CEP78: variants seen among roughly 807,000 people sequenced by gnomAD.
The protein encoded by CEP78 is centrosomal protein 78.
In CEP78, 76 loss-of-function variants were observed where a neutral mutation model predicts 81.2. The ratio of observed to expected loss-of-function variants is 0.94; its 90% CI spans 0.78 to 1.13. The LOEUF (loss-of-function observed/expected upper bound fraction) is 1.13. CEP78 is among the 50% of genes most tolerant of loss of function. CEP78 has a pLI of 0.00. For missense variants in CEP78, 918 were observed against 846.8 expected, an observed-to-expected ratio of 1.08 and a Z score of -1.04; for synonymous variants, 293 against 301.4, an observed-to-expected ratio of 0.97 and a Z score of 0.29.
intron 16 of CEP78, among the ~76,000 whole-genome samples, chr9:78,269,149 G>C (rs1343316546): frequency 6.6e-6 from 1 of 152,104 alleles, no homozygotes; most frequent in East Asian, 1.9e-4. Flanking sequence ...GAAGAGAAAG[G>C]GATCTAAAAT....
chr9:78,255,734 T>G (rs1404147580), intron 11 of CEP78, among the ~76,000 whole-genome samples: 1 of 152,200 alleles, frequency 6.6e-6, no homozygotes, highest in African/African-American at 2.4e-5. Context: ...AATCTATAGA[T>G]AATGTAGAAT....
chr9:78,254,571 G>T, intron 10 of CEP78: 1 of 163,858 alleles, frequency 6.1e-6, no homozygotes, highest in South Asian at 1.8e-4. Flanking sequence ...GGTTATTTTC[G>T]GAAAGATTTT....
In CEP78 at chr9:78,262,940, G is replaced by A. The variant is rs1469644818; in HGVS notation, c.1414G>A (p.Glu472Lys). The A allele has an allele frequency of 6.5e-7, 1 of 1,546,454 alleles. No homozygotes were observed. The highest frequency in any genetic ancestry group is 8.7e-7 in the Non-Finnish European group (1 of 1,143,824). Residue 472 changes from glutamate to lysine, a missense_variant, in exon 12 of 17, where the codon GAA becomes AAA. Physicochemically the swap from Glu to Lys is moderately conservative, Grantham distance 56 (BLOSUM62 1). Transcript: ENST00000643273. The part of the protein sequence containing the change: ...KLEECLKQLK[E>K]ERVIRLKVDK... ...GGAGGAGTGCCTAAAGCAGTTAAAG[G>A]AAGAAAGAGTGATAAGGCTTAAGGT...
chr9:78,263,990 G>C, intron 12 of CEP78, 160 bp from the exon 13 acceptor site: 1 of 423,624 alleles, frequency 2.4e-6, no homozygotes. Flanking sequence ...GTTATCTCCA[G>C]GTTTTGATTG....
chr9:78,270,671 C>T (rs189468329), intron 16 of CEP78, among the ~76,000 whole-genome samples, 170 bp from the exon 17 acceptor site: 10 of 152,292 alleles, frequency 6.6e-5, no homozygotes, highest in South Asian at 2.1e-4. Context: ...ATAATGAGTT[C>T]GTCCAATTTC....
At position 78,271,737 on chromosome 9, in the gene CEP78, G is replaced by A. The variant is rs183160755; in HGVS notation, c.*886G>A. On this transcript the variant is annotated 3_prime_UTR_variant, in exon 17 of 17. Transcript: ENST00000643273. ...TTTTTTGAGTCAAGGTCTCACTCAT[G>A]TCACCCAGGCTGGGGTGTAGTGATG... 6.6e-6 allele frequency: 1 copy of A among 150,960 alleles called. No homozygotes were observed. Among genetic ancestry groups the A allele is most frequent in the African/African-American group, 2.4e-5 (1 of 41,088 alleles). The allele number at this position is 150,960 out of a possible 1,614,324, so 9.4% of individuals were successfully genotyped here.
intron 8 of CEP78, chr9:78,250,417 T>A (rs1587575115): frequency 2.6e-6 from 1 of 389,204 alleles, no homozygotes; most frequent in East Asian, 3.7e-5. Flanking sequence ...TCTAACAAGA[T>A]AAGTAAATTA....
chr9:78,247,166 TTCTTGG>T (rs1375011237), intron 6 of CEP78, among the ~76,000 whole-genome samples: 1 of 152,212 alleles, frequency 6.6e-6, no homozygotes, highest in Non-Finnish European at 1.5e-5. Flanking sequence ...GCTAGACAAA[TTCTTGG>T]TCTCATAGAG....
chr9:78,250,726 G>A (rs1208192212), intron 8 of CEP78, among the ~76,000 whole-genome samples: 2 of 152,186 alleles, frequency 1.3e-5, no homozygotes, highest in African/African-American at 2.4e-5. Flanking sequence ...GCGACAGAGC[G>A]AGACTCTTGT....
At chr9:78,246,561 C>T in intron 5 of CEP78, 108 bp from the exon 6 acceptor site, 2 of 593,764 alleles carry the variant, frequency 3.4e-6, no homozygotes, top group Non-Finnish European at 2.9e-6. Context: ...GATAGTGCCA[C>T]TGCACTCCAG....
chr9:78,240,173 G>A lies in CEP78; in HGVS notation c.404G>A (p.Arg135Lys). ...LELNGLILRE[R>K]DLTILAKGLN... Reference sequence around the variant, plus strand: ...CTAAATGGACTAATTCTGAGAGAGAGGGATTTAACTATTCTAGCAAAGGTA... The same window carrying A: ...CTAAATGGACTAATTCTGAGAGAGAAGGATTTAACTATTCTAGCAAAGGTA... Residue 135 changes from arginine to lysine, a missense_variant, in exon 2 of 17, where the codon AGG becomes AAG. By Grantham distance (26) the Arg-to-Lys change is conservative. Coordinates refer to ENST00000643273, the MANE Select transcript of CEP78 (RefSeq NM_001330691.3). 2 of 1,600,658 alleles carry A rather than the reference G, an allele frequency of 1.2e-6. No individual in the cohort carries two copies. The highest frequency in any genetic ancestry group is 2.2e-5 in the South Asian group (2 of 89,158).
intron 15 of CEP78, 49 bp from the exon 16 acceptor site, chr9:78,266,393 A>T (rs1422800229): frequency 1.4e-6 from 2 of 1,394,024 alleles, no homozygotes; most frequent in Admixed American, 2.1e-5. Context: ...CGATTTTTAA[A>T]TGGATGGCTT....
At position 78,259,470 on chromosome 9, in the gene CEP78, A is replaced by G. The variant is rs78128261; in HGVS notation, c.1381-3437A>G. 6.6e-3 allele frequency among the ~76,000 whole-genome samples: 999 copies of G among 152,304 alleles called. 13 individuals carry two copies. The highest frequency in any genetic ancestry group is 0.022 in the African/African-American group (906 of 41,574). ...GTGTTTTATGCACTTTTCAGTATGTATAGCATATTTTGTGATTTAAAAAAC... is the reference window on the plus strand; with the variant it reads ...GTGTTTTATGCACTTTTCAGTATGTGTAGCATATTTTGTGATTTAAAAAAC... On this transcript the variant is annotated intron_variant, in intron 11 of 16. Transcript: ENST00000643273.
Position 78,264,153 on chromosome 9 carries a change from G to T in CEP78, c.1462G>T (p.Glu488Ter). ...LKVDKRVSELEHENAQLRNIN... is the reference protein window; with the variant it reads ...LKVDKRVSEL Reference sequence around the variant, plus strand: ...CATTTTCAATCTTCTTTTATAGCTGGAACATGAAAATGCCCAGTTAAGAAA... The same window carrying T: ...CATTTTCAATCTTCTTTTATAGCTGTAACATGAAAATGCCCAGTTAAGAAA... The change falls in exon 13 of 17, where the codon GAA (glutamate) becomes TAA (stop). Residue 488 changes from glutamate to a stop codon, truncating the protein, a stop_gained. Coordinates refer to ENST00000643273, the MANE Select transcript of CEP78 (RefSeq NM_001330691.3). LOFTEE classifies it high-confidence loss of function. The T allele has an allele frequency of 2.1e-6, 3 of 1,450,170 alleles. No homozygotes were observed. Among genetic ancestry groups the T allele is most frequent in the South Asian group, 1.5e-5 (1 of 64,680 alleles). 89.8% of individuals were successfully genotyped at this position (1,450,170 alleles called of 1,614,324 possible).
rs1827813713 is a variant in CEP78 at position 78,276,783 on chromosome 9, T to C, written c.*5932T>C. 1 of 152,008 alleles carries C rather than the reference T, an allele frequency of 6.6e-6. No individual in the cohort carries two copies. Among genetic ancestry groups the C allele is most frequent in the African/African-American group, 2.4e-5 (1 of 41,404 alleles). 9.4% of individuals were successfully genotyped at this position (152,008 alleles called of 1,614,324 possible). A position where few individuals can be genotyped will look rare whatever the true frequency, so the allele number is the denominator to read the frequency against. Reference sequence around the variant, plus strand: ...AGAGGGTATAAAAGAAACACAAAAATAGAGGTATGCCATGTATAAGACCCA... The same window carrying C: ...AGAGGGTATAAAAGAAACACAAAAACAGAGGTATGCCATGTATAAGACCCA... On this transcript the variant is annotated 3_prime_UTR_variant, in exon 17 of 17. Coordinates refer to ENST00000643273, the MANE Select transcript of CEP78 (RefSeq NM_001330691.3).
chr9:78,260,032 A>AAC (rs542779682), intron 11 of CEP78, among the ~76,000 whole-genome samples: 329 of 152,306 alleles, frequency 2.2e-3, no homozygotes, highest in Non-Finnish European at 3.5e-3. Context: ...GCTGGGGATA[A>AAC]ACACTTAATA....
In CEP78 at chr9:78,278,386, T is replaced by C. The variant is rs1413307006; in HGVS notation, c.*7535T>C. The C allele has an allele frequency of 2.0e-5, 3 of 152,226 alleles. No homozygotes were observed. Among genetic ancestry groups the C allele is most frequent in the East Asian group, 1.9e-4 (1 of 5,196 alleles). The allele number at this position is 152,226 out of a possible 1,614,324, so 9.4% of individuals were successfully genotyped here. ...CATGGCATAGTCAAATGTTTTTAAC[T>C]TAACCACAACCCACAGTAAAAATGA... On this transcript the variant is annotated 3_prime_UTR_variant, in exon 17 of 17. Transcript: ENST00000643273.
chr9:78,276,789 T>C lies in CEP78; in HGVS notation c.*5938T>C, dbSNP rs1448303713. The C allele has an allele frequency of 6.6e-6, 1 of 152,096 alleles. No homozygotes were observed. Among genetic ancestry groups the C allele is most frequent in the Non-Finnish European group, 1.5e-5 (1 of 68,010 alleles). The allele number at this position is 152,096 out of a possible 1,614,324, so 9.4% of individuals were successfully genotyped here. A position where few individuals can be genotyped will look rare whatever the true frequency, so the allele number is the denominator to read the frequency against. ...TATAAAAGAAACACAAAAATAGAGG[T>C]ATGCCATGTATAAGACCCAACATAA... On this transcript the variant is annotated 3_prime_UTR_variant, in exon 17 of 17. Coordinates refer to ENST00000643273, the MANE Select transcript of CEP78 (RefSeq NM_001330691.3).
rs1827746601 is a variant in CEP78, at chr9:78,273,723, G to A, written c.*2872G>A. On this transcript the variant is annotated 3_prime_UTR_variant, in exon 17 of 17. Coordinates refer to ENST00000643273, the MANE Select transcript of CEP78 (RefSeq NM_001330691.3). ...GATGGCACCGCTGCACTCCAGCCTG[G>A]GCCATAGAGGAGACTCCGTCTCAAA... The A allele has an allele frequency of 6.6e-6, 1 of 152,224 alleles. No homozygotes were observed. The highest frequency in any genetic ancestry group is 6.5e-5 in the Admixed American group (1 of 15,280). The allele number at this position is 152,224 out of a possible 1,614,324, so 9.4% of individuals were successfully genotyped here.
Sources: allele counts gnomAD v4.1 joint callset (sites outside exome capture counted in the v4.1 genomes callset), GRCh38; gene constraint gnomAD v4.1.1; transcripts MANE v1.5; gene names NCBI Gene and HGNC (gene_info 2026-07-23, HGNC 2026-07-21).